STX12: variants seen among roughly 807,000 people sequenced by gnomAD.
STX12 encodes syntaxin-12.
STX12 carries 17 observed loss-of-function variants against 42.2 expected under a neutral mutation model. The ratio of observed to expected loss-of-function variants is 0.40; its 90% CI spans 0.28 to 0.60. The LOEUF is 0.60. STX12 is among the 20% of genes least tolerant of loss of function. The pLI is 0.39. For synonymous variants in STX12, 108 were observed against 116.7 expected, an observed-to-expected ratio of 0.93 and a Z score of 0.48; for missense variants, 297 against 330.9, an observed-to-expected ratio of 0.90 and a Z score of 0.79.
At chr1:27,779,722 A>G (rs2064072) in intron 1 of STX12, among the ~76,000 whole-genome samples, 18,651 of 151,874 alleles carry the variant, frequency 0.12, 3,813 homozygotes, top group African/African-American at 0.42. Flanking sequence ...ACTCTTTGCT[A>G]GGAAGGCTAT....
chr1:27,793,848 G>T (rs1467208874), intron 3 of STX12, among the ~76,000 whole-genome samples: 4 of 152,064 alleles, frequency 2.6e-5, no homozygotes, highest in African/African-American at 9.7e-5. Context: ...GCGTCTGGTA[G>T]GTAATCAATA....
At chr1:27,810,413 CAT>C in intron 5 of STX12, 124 bp downstream of exon 5, 1 of 803,152 alleles carries the variant, frequency 1.2e-6, no homozygotes, top group East Asian at 2.7e-5. Context: ...GAGTGGATAA[CAT>C]AATCCACAGA....
intron 1 of STX12, among the ~76,000 whole-genome samples, chr1:27,774,882 C>T (rs563950355): frequency 6.6e-6 from 1 of 152,184 alleles, no homozygotes; most frequent in East Asian, 1.9e-4. Flanking sequence ...CTATGTTGCC[C>T]AGGCTCACTT....
intron 8 of STX12, 84 bp from the exon 9 acceptor site, chr1:27,822,147 A>G (rs921310993): frequency 1.1e-5 from 9 of 830,364 alleles, no homozygotes; most frequent in Non-Finnish European, 1.9e-5. Flanking sequence ...ACAAGGAGGC[A>G]GATTTATGAA....
chr1:27,801,771 G>C lies in STX12; in HGVS notation c.382G>C (p.Glu128Gln), dbSNP rs2088829816. 6.3e-7 allele frequency: 1 copy of C among 1,595,666 alleles called. No homozygotes were observed. Among genetic ancestry groups the C allele is most frequent in the South Asian group, 1.1e-5 (1 of 87,752 alleles). ...TGTGCAGAGAAGGGTATCTGAAAAG[G>C]AAAAGGAGAGTATTGCCAGAGCAAG... is the stretch of plus-strand genomic sequence containing the variant. ...QAVQRRVSEK[E>Q]KESIARARAG... The change falls in exon 4 of 9, where the codon GAA (glutamate) becomes CAA (glutamine). Residue 128 changes from glutamate (E) to glutamine (Q), a missense_variant. Transcript: ENST00000373943.
intron 3 of STX12, among the ~76,000 whole-genome samples, chr1:27,798,635 A>G (rs1262805910): frequency 8.5e-6 from 1 of 117,442 alleles, no homozygotes; most frequent in Non-Finnish European, 1.7e-5. Context: ...ACAGAGCGAG[A>G]CTCCCTCTCA....
chr1:27,787,899 G>A (rs2088710063), intron 1 of STX12, among the ~76,000 whole-genome samples: 1 of 151,996 alleles, frequency 6.6e-6, no homozygotes, highest in Non-Finnish European at 1.5e-5. Context: ...TTGGACATGG[G>A]AGCATTATAT....
At chr1:27,789,675 G>A in intron 2 of STX12, 44 bp downstream of exon 2, 1 of 1,465,654 alleles carries the variant, frequency 6.8e-7, no homozygotes, top group Non-Finnish European at 9.5e-7. Flanking sequence ...AGGGCCATTT[G>A]AGGACACAGT....
Position 27,822,448 on chromosome 1 carries a change from T to G in STX12, c.*119T>G. The G allele has an allele frequency of 1.5e-6, 1 of 675,750 alleles. No homozygotes were observed. 41.9% of individuals were successfully genotyped at this position (675,750 alleles called of 1,614,324 possible). On this transcript the variant is annotated 3_prime_UTR_variant, in exon 9 of 9. Coordinates refer to ENST00000373943, the MANE Select transcript of STX12 (RefSeq NM_177424.3). ...ATCAGAACGTCCTGTAATCATTTAG[T>G]TAGAAACTAACTACTAACTAGTCTT...
intron 1 of STX12, among the ~76,000 whole-genome samples, chr1:27,779,335 T>TG (rs1405725837): frequency 2.6e-4 from 38 of 146,898 alleles, no homozygotes; most frequent in African/African-American, 9.0e-4. Context: ...TTGTTTTTGT[T>TG]TTTTTTTGTT....
At chr1:27,786,953 A>G (rs2088702973) in intron 1 of STX12, among the ~76,000 whole-genome samples, 1 of 152,210 alleles carries the variant, frequency 6.6e-6, no homozygotes, top group African/African-American at 2.4e-5. Context: ...GTCACACATA[A>G]TGCTATCTTA....
intron 4 of STX12, among the ~76,000 whole-genome samples, chr1:27,809,289 C>T (rs1305088449): frequency 3.0e-3 from 1 of 334 alleles, no homozygotes; most frequent in East Asian, 0.062. Context: ...CAGCCGAGAT[C>T]GTGCCACTCG....
chr1:27,801,287 C>T (rs2088825916), intron 3 of STX12, among the ~76,000 whole-genome samples: 1 of 152,052 alleles, frequency 6.6e-6, no homozygotes, highest in Admixed American at 6.6e-5. Context: ...CCTGTAATCC[C>T]AGCTCCTCAG....
intron 6 of STX12, among the ~76,000 whole-genome samples, chr1:27,816,565 G>A (rs2088943247): frequency 6.6e-6 from 1 of 151,582 alleles, no homozygotes; most frequent in South Asian, 2.1e-4. Context: ...CAGCATTTTG[G>A]GAGGCCGAGG....
chr1:27,786,115 A>G (rs2088696549), intron 1 of STX12, among the ~76,000 whole-genome samples: 1 of 152,168 alleles, frequency 6.6e-6, no homozygotes, highest in Non-Finnish European at 1.5e-5. Flanking sequence ...AAAACCTACC[A>G]GTGATTTCCC....
chr1:27,801,096 T>C (rs2088824489), intron 3 of STX12, among the ~76,000 whole-genome samples: 1 of 152,150 alleles, frequency 6.6e-6, no homozygotes, highest in Admixed American at 6.5e-5. Context: ...TCTTTGGAGA[T>C]TACTTTAGAA....
At chr1:27,776,200 C>T (rs1375911033) in intron 1 of STX12, among the ~76,000 whole-genome samples, 1 of 152,140 alleles carries the variant, frequency 6.6e-6, no homozygotes, top group African/African-American at 2.4e-5. Context: ...TAATAGCTAA[C>T]ATTTGAGTAC....
chr1:27,806,769 G>A lies in STX12; in HGVS notation c.427-3477G>A, dbSNP rs189736213. ...AGGTTTAATTGACTCACAGTTCTGC[G>A]TGGCTGGATAGGCCTCAGGAAACTT... On this transcript the variant is annotated intron_variant, in intron 4 of 8. Coordinates refer to ENST00000373943, the MANE Select transcript of STX12 (RefSeq NM_177424.3). Among the ~76,000 whole-genome samples, 506 of 152,216 alleles carry A rather than the reference G, an allele frequency of 3.3e-3. 4 individuals carry two copies. Among genetic ancestry groups the A allele is most frequent in the African/African-American group, 0.011 (474 of 41,504 alleles).
intron 4 of STX12, among the ~76,000 whole-genome samples, chr1:27,804,875 T>C (rs935995004): frequency 2.0e-5 from 3 of 151,790 alleles, no homozygotes; most frequent in African/African-American, 7.3e-5. Context: ...TATATTGAAG[T>C]ATTTAATTTA....
Sources: gnomAD v4.1 joint callset for allele counts (sites outside exome capture counted in the v4.1 genomes callset) on GRCh38, gnomAD v4.1.1 for gene constraint, MANE v1.5 for transcripts, NCBI Gene and HGNC (gene_info 2026-07-23, HGNC 2026-07-21) for gene names.